The following LRRIQ1 variants were observed in gnomAD, a reference collection of about 807,000 sequenced individuals.
LRRIQ1 encodes the protein leucine rich repeats and IQ motif containing 1.
In LRRIQ1, 210 loss-of-function variants were observed where a neutral mutation model predicts 211.9. The ratio of observed to expected loss-of-function variants is 0.99; its 90% CI spans 0.89 to 1.11. LRRIQ1 has a LOEUF of 1.11. LRRIQ1 is among the 50% of genes most tolerant of loss of function. The pLI, the probability that LRRIQ1 is intolerant of heterozygous loss-of-function variation, is 0.00. For missense variants in LRRIQ1, 2,136 were observed against 1,939.5 expected (o/e 1.10, Z -1.90); for synonymous variants, 699 against 650.1 (o/e 1.08, Z -1.14).
At chr12:85,258,232 C>T (rs1158786922) in intron 1 of LRRIQ1, among the ~76,000 whole-genome samples, 4 of 151,538 alleles carry the variant, frequency 2.6e-5, no homozygotes, top group African/African-American at 9.7e-5. Context: ...GTAACAAATA[C>T]TGTGGATATT....
intron 19 of LRRIQ1, among the ~76,000 whole-genome samples, chr12:85,152,010 T>G (rs1385356988): frequency 2.6e-5 from 4 of 151,708 alleles, no homozygotes; most frequent in Non-Finnish European, 5.9e-5. Context: ...AACAGTTAAA[T>G]ACACTGAAGA....
intron 11 of LRRIQ1, among the ~76,000 whole-genome samples, chr12:85,079,918 A>G (rs1884090830): frequency 6.6e-6 from 1 of 152,150 alleles, no homozygotes; most frequent in South Asian, 2.1e-4. Context: ...GTAATAATAT[A>G]GTATAAACTT....
intron 14 of LRRIQ1, 72 bp from the exon 15 acceptor site, chr12:85,106,450 A>T: frequency 9.6e-7 from 1 of 1,039,038 alleles, no homozygotes; most frequent in African/African-American, 1.6e-5. Flanking sequence ...CAGTAAATAC[A>T]GTGGTCATAG....
chr12:85,198,135 TATA>T (rs1893088078), intron 24 of LRRIQ1, among the ~76,000 whole-genome samples: 1 of 123,374 alleles, frequency 8.1e-6, no homozygotes, highest in Non-Finnish European at 1.6e-5. Flanking sequence ...ATATATTATA[TATA>T]ATATATTATA....
Position 85,124,270 on chromosome 12 carries a change from C to T in LRRIQ1, c.3758C>T (p.Ala1253Val). 1 of 1,614,110 alleles carries T rather than the reference C, an allele frequency of 6.2e-7. No homozygotes were observed. Among genetic ancestry groups the T allele is most frequent in the South Asian group, 1.1e-5 (1 of 91,082 alleles). ...TLQNGVFYSC[A>V]REGEPDSPDI... The stretch of plus-strand genomic sequence containing the variant: ...CAAAATGGAGTCTTCTACTCTTGTG[C>T]ACGTGAAGGTGAGCCAGACTCACCA... Residue 1253 changes from alanine (A) to valine (V), a missense_variant, in exon 17 of 27, where the codon GCA (alanine) becomes GTA (valine). Physicochemically the swap from Ala to Val is moderately conservative, Grantham distance 64 (BLOSUM62 0). Transcript: ENST00000393217.
chr12:85,190,077 G>A (rs932594334), intron 24 of LRRIQ1, among the ~76,000 whole-genome samples: 1 of 140,960 alleles, frequency 7.1e-6, no homozygotes, highest in Non-Finnish European at 1.5e-5. Context: ...TACATAATAT[G>A]TAATATAGTT....
intron 11 of LRRIQ1, among the ~76,000 whole-genome samples, chr12:85,088,623 G>A (rs1451406630): frequency 1.3e-5 from 2 of 152,226 alleles, no homozygotes; most frequent in Middle Eastern, 3.4e-3. Context: ...TTATTTCGTT[G>A]AGTAGTGGTT....
intron 24 of LRRIQ1, among the ~76,000 whole-genome samples, chr12:85,173,609 G>A (rs182901355): frequency 3.8e-4 from 58 of 151,196 alleles, no homozygotes; most frequent in Admixed American, 2.3e-3. Context: ...GACTACACAC[G>A]CAATCTCTCA....
intron 24 of LRRIQ1, among the ~76,000 whole-genome samples, chr12:85,196,491 GGAACA>G (rs1476759666): frequency 6.6e-6 from 1 of 151,826 alleles, no homozygotes; most frequent in Non-Finnish European, 1.5e-5. Context: ...ATAGATCAAT[GGAACA>G]GAACAGAGCC....
At chr12:85,078,542 A>G (rs1242908103) in intron 11 of LRRIQ1, among the ~76,000 whole-genome samples, 1 of 152,048 alleles carries the variant, frequency 6.6e-6, no homozygotes, top group African/African-American at 2.4e-5. Context: ...TTGTAGTTCA[A>G]TCTTTTTATT....
intron 11 of LRRIQ1, among the ~76,000 whole-genome samples, chr12:85,082,509 A>T (rs1227077285): frequency 6.6e-6 from 1 of 152,080 alleles, no homozygotes; most frequent in Non-Finnish European, 1.5e-5. Context: ...TCTCCTTCTG[A>T]AACATTATGT....
chr12:85,131,396 T>C (rs1226126219), intron 18 of LRRIQ1, among the ~76,000 whole-genome samples: 1 of 152,032 alleles, frequency 6.6e-6, no homozygotes, highest in Non-Finnish European at 1.5e-5. Flanking sequence ...CAGTGTTTGT[T>C]ATGTGATCAA....
chr12:85,161,640 T>C (rs987751046), intron 24 of LRRIQ1, among the ~76,000 whole-genome samples: 1 of 152,206 alleles, frequency 6.6e-6, no homozygotes, highest in African/African-American at 2.4e-5. Flanking sequence ...TTTTGTAATG[T>C]CTAAAACTAA....
chr12:85,260,819 G>A (rs1175158662), intron 1 of LRRIQ1, among the ~76,000 whole-genome samples: 1 of 152,112 alleles, frequency 6.6e-6, no homozygotes, highest in African/African-American at 2.4e-5. Context: ...CAAGCTATAG[G>A]TTTCCAATGT....
At chr12:85,036,754 T>TC (rs1051267519) in intron 1 of LRRIQ1, among the ~76,000 whole-genome samples, 4 of 152,008 alleles carry the variant, frequency 2.6e-5, no homozygotes, top group Non-Finnish European at 4.4e-5. Context: ...CTTTCTTTTT[T>TC]TTTTGGTAAT....
chr12:85,171,755 G>C (rs535709670), intron 24 of LRRIQ1, among the ~76,000 whole-genome samples: 11 of 152,262 alleles, frequency 7.2e-5, no homozygotes, highest in Admixed American at 3.3e-4. Context: ...AAGAGGAAGA[G>C]ACACCAGGAG....
chr12:85,247,921 G>A (rs949682605), downstream of LRRIQ1, among the ~76,000 whole-genome samples: 2 of 151,524 alleles, frequency 1.3e-5, no homozygotes, highest in African/African-American at 4.8e-5. Flanking sequence ...TTACAAAGAG[G>A]CCAAAGCAGT....
intron 24 of LRRIQ1, among the ~76,000 whole-genome samples, chr12:85,164,666 A>G (rs1374648000): frequency 6.6e-6 from 1 of 152,194 alleles, no homozygotes; most frequent in Non-Finnish European, 1.5e-5. Context: ...GAAAGGTATT[A>G]TGACTGTCAA....
chr12:85,082,869 T>A (rs965353343), intron 11 of LRRIQ1, among the ~76,000 whole-genome samples: 6 of 152,212 alleles, frequency 3.9e-5, no homozygotes, highest in Non-Finnish European at 7.3e-5. Context: ...AGATTTGGAA[T>A]GAAAGTTTGG....
Sources: gnomAD v4.1 joint callset for allele counts (sites outside exome capture counted in the v4.1 genomes callset) on GRCh38, gnomAD v4.1.1 for gene constraint, MANE v1.5 for transcripts, NCBI Gene and HGNC (gene_info 2026-07-23, HGNC 2026-07-21) for gene names.